Variants in INO80C observed in about 807,000 individuals in gnomAD.
INO80C encodes INO80 complex subunit C.
In INO80C, 17 loss-of-function variants were observed where a neutral mutation model predicts 17.7. That is an observed-to-expected ratio of 0.96 (90% CI 0.66 to 1.44). The LOEUF is 1.44. Ranked by LOEUF, INO80C falls within the 40% of genes most tolerant of loss-of-function variation. The pLI is 0.00. For missense variants in INO80C, 244 were observed against 245.0 expected (o/e 1.00, Z 0.03); for synonymous variants, 96 against 95.8 (o/e 1.00, Z -0.01).
chr18:35,485,572 T>C (rs2045863871), intron 1 of INO80C, among the ~76,000 whole-genome samples: 1 of 151,848 alleles, frequency 6.6e-6, no homozygotes, highest in African/African-American at 2.4e-5. Context: ...GTGAAGAAAC[T>C]GGAACCCTCA....
chr18:35,478,243 T>C (rs2045760521), intron 4 of INO80C, 39 bp downstream of exon 4: 2 of 1,415,358 alleles, frequency 1.4e-6, no homozygotes, highest in Non-Finnish European at 2.0e-6. Flanking sequence ...CTGTGAAATC[T>C]TTTCCATTTA....
In INO80C at chr18:35,478,331, G is replaced by A. The variant is rs560429675; in HGVS notation, c.398C>T (p.Pro133Leu). ...NDPNYFSIDAPPSFKPAKKYS... is the reference protein window; with the variant it reads ...NDPNYFSIDALPSFKPAKKYS... ...CTTCTTAGCTGGCTTAAAGGATGGAGGAGCATCAATACTGAAGTCTGGGAA... is the reference window on the plus strand; with the variant it reads ...CTTCTTAGCTGGCTTAAAGGATGGAAGAGCATCAATACTGAAGTCTGGGAA... The change falls in exon 4 of 5, where the codon CCT becomes CTT. Residue 133 changes from proline to leucine, a missense_variant. By Grantham distance (98) the Pro-to-Leu change is moderately conservative. Transcript: ENST00000334598. 5 of 1,601,862 alleles carry A rather than the reference G, an allele frequency of 3.1e-6. No homozygotes were observed. In the East Asian group the frequency reaches 6.7e-5, roughly 21 times the overall value.
At chr18:35,470,403 A>G (rs576229589) in intron 4 of INO80C, among the ~76,000 whole-genome samples, 3 of 152,294 alleles carry the variant, frequency 2.0e-5, no homozygotes, top group African/African-American at 7.2e-5. Flanking sequence ...TCTGTACTAC[A>G]TTTCCTTTAA....
rs180856117 is a variant in INO80C, at chr18:35,469,956, C to T, written c.448-1214G>A. 1.3e-3 allele frequency among the ~76,000 whole-genome samples: 198 copies of T among 152,264 alleles called. 1 individual carries two copies. Among genetic ancestry groups the T allele is most frequent in the Middle Eastern group, 0.01 (3 of 294 alleles). ...TGGTCTCTGTTCCCCATGTGCCAAG[C>T]GGAGAAAATAATTCACTAACTATAT... On this transcript the variant is annotated intron_variant, in intron 4 of 4. Coordinates refer to ENST00000334598, the MANE Select transcript of INO80C (RefSeq NM_194281.4).
intron 1 of INO80C, among the ~76,000 whole-genome samples, chr18:35,495,571 CT>C (rs1291252337): frequency 2.0e-5 from 3 of 152,150 alleles, no homozygotes; most frequent in Admixed American, 2.0e-4. Context: ...TATTGGATTA[CT>C]GGGAATTTCC....
intron 4 of INO80C, among the ~76,000 whole-genome samples, chr18:35,474,189 G>A (rs1567978838): frequency 1.9e-5 from 2 of 107,734 alleles, no homozygotes; most frequent in East Asian, 2.7e-4. Flanking sequence ...ATATATATGT[G>A]TATATGTGTG....
intron 1 of INO80C, among the ~76,000 whole-genome samples, chr18:35,494,565 G>A (rs1036291644): frequency 5.3e-5 from 8 of 152,228 alleles, no homozygotes; most frequent in African/African-American, 1.9e-4. Flanking sequence ...ACGGGCAGCA[G>A]CTGACAGCCA....
At chr18:35,474,705 A>T (rs1193211723) in intron 4 of INO80C, among the ~76,000 whole-genome samples, 1 of 152,194 alleles carries the variant, frequency 6.6e-6, no homozygotes, top group Non-Finnish European at 1.5e-5. Context: ...TAAATAATTT[A>T]AAAGAAAGTT....
intron 1 of INO80C, among the ~76,000 whole-genome samples, chr18:35,486,574 C>G (rs1472631982): frequency 6.6e-6 from 1 of 151,876 alleles, no homozygotes; most frequent in East Asian, 1.9e-4. Flanking sequence ...ATGAATAAAG[C>G]TAGTAGTGGA....
chr18:35,493,662 T>C (rs1389635252), intron 1 of INO80C, among the ~76,000 whole-genome samples: 2 of 152,246 alleles, frequency 1.3e-5, no homozygotes, highest in East Asian at 3.8e-4. Context: ...TAAACTTCTT[T>C]AAATTTCAAC....
intron 4 of INO80C, among the ~76,000 whole-genome samples, chr18:35,477,572 GAAAAC>G (rs369174665): frequency 0.012 from 1,863 of 152,106 alleles, 26 homozygotes; most frequent in African/African-American, 0.033. Context: ...ATTTGTTTAA[GAAAAC>G]AAAACAAAAC....
In INO80C at chr18:35,468,565, A is replaced by C. The variant is rs1013473445; in HGVS notation, c.*46T>G. 6.8e-6 allele frequency: 11 copies of C among 1,613,426 alleles called. No individual in the cohort carries two copies. The highest frequency in any genetic ancestry group is 9.3e-6 in the Non-Finnish European group (11 of 1,179,646). On this transcript the variant is annotated 3_prime_UTR_variant, in exon 5 of 5. Transcript: ENST00000334598. ...CCGTGAAACAAAATCATGAGTCCAG[A>C]GTCTGTTTTTGAAACAGCTTTCCAC...
chr18:35,479,477 ATT>A (rs2045779190), intron 2 of INO80C, 66 bp from the exon 3 acceptor site: 1 of 929,288 alleles, frequency 1.1e-6, no homozygotes, highest in East Asian at 2.5e-5. Flanking sequence ...GACATCTGAC[ATT>A]TATGCCTAAT....
intron 1 of INO80C, among the ~76,000 whole-genome samples, chr18:35,492,994 G>A (rs355329): frequency 0.74 from 112,492 of 152,130 alleles, 41,841 homozygotes; most frequent in East Asian, 0.98. Context: ...AATATACAAA[G>A]TAACAGAGTG....
At chr18:35,477,784 G>A (rs766720553) in intron 4 of INO80C, among the ~76,000 whole-genome samples, 25 of 152,156 alleles carry the variant, frequency 1.6e-4, no homozygotes, top group Non-Finnish European at 3.4e-4. Flanking sequence ...GAAGATAGGC[G>A]GCCAGATCCA....
At chr18:35,478,377 T>A in intron 3 of INO80C, 28 bp from the exon 4 acceptor site, 5 of 1,344,804 alleles carry the variant, frequency 3.7e-6, no homozygotes, top group Non-Finnish European at 5.2e-6. Flanking sequence ...AAAAGATAAC[T>A]AAACTGAACT....
At chr18:35,492,685 C>T (rs903790277) in intron 1 of INO80C, among the ~76,000 whole-genome samples, 14 of 152,112 alleles carry the variant, frequency 9.2e-5, no homozygotes, top group Non-Finnish European at 1.6e-4. Flanking sequence ...CCAAATCAGT[C>T]CAGCATTATC....
At chr18:35,473,105 T>C (rs2045690130) in intron 4 of INO80C, among the ~76,000 whole-genome samples, 1 of 152,128 alleles carries the variant, frequency 6.6e-6, no homozygotes, top group Non-Finnish European at 1.5e-5. Flanking sequence ...CCTGAAACAA[T>C]AAGGATAAAG....
intron 4 of INO80C, 109 bp downstream of exon 4, chr18:35,478,166 CACTGTAG>C (rs1199206291): frequency 2.6e-6 from 2 of 759,764 alleles, no homozygotes; most frequent in Non-Finnish European, 4.3e-6. Context: ...TATCACCTAT[CACTGTAG>C]ACAGGCTCCA....
Sources: gnomAD v4.1 joint callset for allele counts (sites outside exome capture counted in the v4.1 genomes callset) on GRCh38, gnomAD v4.1.1 for gene constraint, MANE v1.5 for transcripts, NCBI Gene and HGNC (gene_info 2026-07-23, HGNC 2026-07-21) for gene names.